Variants in CENPQ observed in about 807,000 individuals in gnomAD.
The protein encoded by CENPQ is chromosome 6 open reading frame 139.
CENPQ carries 27 observed loss-of-function variants against 36.6 expected under a neutral mutation model. That is an observed-to-expected ratio of 0.74 (90% confidence interval 0.54 to 1.02). The LOEUF (loss-of-function observed/expected upper bound fraction) is 1.02. Ranked by LOEUF, CENPQ falls within the 50% of genes least tolerant of loss-of-function variation. The probability of loss-of-function intolerance (pLI) is 0.00; values close to 1 mark genes in which losing one functional copy is unlikely to be tolerated. For missense variants in CENPQ, 306 were observed against 301.8 expected (o/e 1.01, Z -0.10); for synonymous variants, 101 against 101.7 (o/e 0.99, Z 0.04).
intron 6 of CENPQ, among the ~76,000 whole-genome samples, chr6:49,485,186 T>A (rs555094633): frequency 6.6e-6 from 1 of 152,208 alleles, no homozygotes; most frequent in African/African-American, 2.4e-5. Context: ...CTCTGTGCCT[T>A]AGAACCATTG....
chr6:49,481,789 A>G (rs531700213), intron 6 of CENPQ, among the ~76,000 whole-genome samples: 1 of 152,132 alleles, frequency 6.6e-6, no homozygotes, highest in Non-Finnish European at 1.5e-5. Flanking sequence ...CTGGGGCTGC[A>G]GGTGGAGCTG....
chr6:49,483,094 T>C (rs1768483626), intron 6 of CENPQ, among the ~76,000 whole-genome samples: 1 of 151,952 alleles, frequency 6.6e-6, no homozygotes, highest in South Asian at 2.1e-4. Flanking sequence ...TAGAGCCGAG[T>C]GGTCTGTTTT....
intron 5 of CENPQ, among the ~76,000 whole-genome samples, chr6:49,480,017 C>T (rs931961170): frequency 1.3e-5 from 2 of 152,094 alleles, no homozygotes; most frequent in Non-Finnish European, 2.9e-5. Context: ...ATGCTTATTA[C>T]CTGGGTGAAA....
At chr6:49,482,911 C>T (rs1490222271) in intron 6 of CENPQ, among the ~76,000 whole-genome samples, 2 of 152,110 alleles carry the variant, frequency 1.3e-5, no homozygotes, top group African/African-American at 2.4e-5. Context: ...GTGAGTGTTA[C>T]AGCTCATAAA....
chr6:49,477,307 A>G (rs7774623), intron 5 of CENPQ, among the ~76,000 whole-genome samples: 15,338 of 151,874 alleles, frequency 0.1, 774 homozygotes, highest in Non-Finnish European at 0.11. Flanking sequence ...ATTCTCAGCA[A>G]ACTATCACAA....
intron 1 of CENPQ, among the ~76,000 whole-genome samples, chr6:49,469,619 C>T (rs1283282111): frequency 6.6e-6 from 1 of 152,162 alleles, no homozygotes; most frequent in Non-Finnish European, 1.5e-5. Flanking sequence ...GATAGGATTG[C>T]AGTTTAAATT....
intron 6 of CENPQ, among the ~76,000 whole-genome samples, chr6:49,482,419 G>A (rs1299871656): frequency 6.6e-6 from 1 of 152,186 alleles, no homozygotes; most frequent in Non-Finnish European, 1.5e-5. Flanking sequence ...CCCAACTGCT[G>A]TTGGGAATTT....
At chr6:49,486,154 G>A (rs532867525) in intron 6 of CENPQ, among the ~76,000 whole-genome samples, 35 of 152,268 alleles carry the variant, frequency 2.3e-4, no homozygotes, top group Admixed American at 2.0e-3. Flanking sequence ...TGAAAGCAAA[G>A]GCAGAAACTA....
At chr6:49,483,256 C>G (rs184759196) in intron 6 of CENPQ, among the ~76,000 whole-genome samples, 1 of 152,106 alleles carries the variant, frequency 6.6e-6, no homozygotes, top group African/African-American at 2.4e-5. Context: ...GTTTACAAAC[C>G]TTGAGCTAGA....
Position 49,469,842 on chromosome 6 carries a change from C to T in CENPQ, c.-18-317C>T, listed in dbSNP as rs544765886. Among the ~76,000 whole-genome samples, 211 of 151,838 alleles carry T rather than the reference C, an allele frequency of 1.4e-3. 1 individual carries two copies. Among genetic ancestry groups the T allele is most frequent in the African/African-American group, 4.3e-3 (177 of 41,406 alleles). The stretch of plus-strand genomic sequence containing the variant: ...TAAACATGGAGAGGATGTTATCATA[C>T]GATAGAGTATAAAATAAGAGATACA... On this transcript the variant is annotated intron_variant, in intron 1 of 8. Transcript: ENST00000335783.
intron 6 of CENPQ, among the ~76,000 whole-genome samples, chr6:49,481,451 A>C (rs1158792213): frequency 1.3e-5 from 2 of 152,104 alleles, no homozygotes; most frequent in Admixed American, 6.5e-5. Flanking sequence ...TCAGGAGTGA[A>C]GCTGCAGACC....
chr6:49,470,140 A>AT lies in CENPQ; in HGVS notation c.-18-6dup, dbSNP rs11333073. ...TTTTGTATTATTTTCATCTTTACAG[A>AT]TTTTTTTTTTTTTCGAAGCACTGTG... On this transcript the variant is annotated intron_variant, in intron 1 of 8. Coordinates refer to ENST00000335783, the MANE Select transcript of CENPQ (RefSeq NM_018132.4). 117,205 of 935,310 alleles carry AT rather than the reference A, an allele frequency of 0.13. 1,738 individuals are homozygous for AT. Among genetic ancestry groups the AT allele is most frequent in the South Asian group, 0.17 (9,764 of 58,006 alleles). The allele number at this position is 935,310 out of a possible 1,614,324, so 57.9% of individuals were successfully genotyped here. A position where few individuals can be genotyped will look rare whatever the true frequency, so the allele number is the denominator to read the frequency against.
chr6:49,470,942 G>T (rs2127423900), intron 2 of CENPQ, 32 bp from the exon 3 acceptor site: 1 of 1,297,202 alleles, frequency 7.7e-7, no homozygotes, highest in Non-Finnish European at 1.0e-6. Context: ...GTTTAATTCT[G>T]TTTATGTTTA....
chr6:49,474,080 C>T (rs1581846878), intron 5 of CENPQ, among the ~76,000 whole-genome samples: 1 of 152,224 alleles, frequency 6.6e-6, no homozygotes, highest in Middle Eastern at 3.4e-3. Context: ...GAGACTTTAA[C>T]ACCCCACTGT....
At chr6:49,474,086 A>G (rs537938427) in intron 5 of CENPQ, among the ~76,000 whole-genome samples, 40 of 152,312 alleles carry the variant, frequency 2.6e-4, no homozygotes, top group African/African-American at 9.4e-4. Flanking sequence ...TTAACACCCC[A>G]CTGTCAACAC....
chr6:49,477,436 G>T, intron 5 of CENPQ, among the ~76,000 whole-genome samples: 1 of 125,058 alleles, frequency 8.0e-6, no homozygotes. Context: ...GGGGGGAGGG[G>T]GAGGGATAGA....
chr6:49,484,558 T>A (rs1308246672), intron 6 of CENPQ, among the ~76,000 whole-genome samples: 1 of 152,248 alleles, frequency 6.6e-6, no homozygotes, highest in African/African-American at 2.4e-5. Context: ...TGCATAGATT[T>A]TAGTTGCAAT....
intron 1 of CENPQ, among the ~76,000 whole-genome samples, chr6:49,464,268 T>TA (rs918812164): frequency 7.9e-5 from 12 of 151,710 alleles, no homozygotes; most frequent in East Asian, 3.9e-4. Context: ...GCATTATGTG[T>TA]AAAAAAAAAT....
At chr6:49,474,812 C>G (rs75778339) in intron 5 of CENPQ, among the ~76,000 whole-genome samples, 1 of 151,806 alleles carries the variant, frequency 6.6e-6, no homozygotes, top group Non-Finnish European at 1.5e-5. Flanking sequence ...CAATAAAAAA[C>G]TGATAAAAGG....
Sources: gnomAD v4.1 joint callset for allele counts (sites outside exome capture counted in the v4.1 genomes callset) on GRCh38, gnomAD v4.1.1 for gene constraint, MANE v1.5 for transcripts, NCBI Gene and HGNC (gene_info 2026-07-23, HGNC 2026-07-21) for gene names.